BAZ1A: variants seen among roughly 807,000 people sequenced by gnomAD.
BAZ1A encodes the protein bromodomain adjacent to zinc finger domain protein 1A.
A neutral mutation model predicts 185.2 loss-of-function variants in BAZ1A; 50 were observed. The observed-to-expected ratio is 0.27, with a 90% CI of 0.22 to 0.34. The LOEUF is 0.34. BAZ1A is among the 10% of genes least tolerant of loss of function. The probability of loss-of-function intolerance (pLI) is 1.00; values close to 1 mark genes in which losing one functional copy is unlikely to be tolerated. For missense variants in BAZ1A, 1,356 were observed against 1,839.9 expected (o/e 0.74, Z 4.81); for synonymous variants, 571 against 615.6 (o/e 0.93, Z 1.07).
intron 13 of BAZ1A, 26 bp downstream of exon 13, chr14:34,786,099 CA>C (rs536883146): frequency 2.8e-4 from 372 of 1,333,976 alleles, no homozygotes; most frequent in Admixed American, 9.8e-4. Flanking sequence ...AAAAGCCAAA[CA>C]AAAAAAAAAC....
At chr14:34,818,884 G>C (rs1342572982) in intron 4 of BAZ1A, among the ~76,000 whole-genome samples, 1 of 152,166 alleles carries the variant, frequency 6.6e-6, no homozygotes, top group Non-Finnish European at 1.5e-5. Context: ...GCTCAAGCCT[G>C]TAATACCAGC....
rs148536471 is a variant in BAZ1A, at chr14:34,825,541, G to A, written c.536+472C>T. Among the ~76,000 whole-genome samples, 93 of 150,102 alleles carry A rather than the reference G, an allele frequency of 6.2e-4. No individual in the cohort carries two copies. In the South Asian group the frequency reaches 7.8e-3, roughly 13 times the overall value. On this transcript the variant is annotated intron_variant, in intron 4 of 26. Coordinates refer to ENST00000360310, the MANE Select transcript of BAZ1A (RefSeq NM_013448.3). ...TCAACAGCTGAGTAGCGTGAACTAGGAAAATTTCAATTTTGAAAATTCTAA... is the reference window on the plus strand; with the variant it reads ...TCAACAGCTGAGTAGCGTGAACTAGAAAAATTTCAATTTTGAAAATTCTAA...
intron 3 of BAZ1A, among the ~76,000 whole-genome samples, chr14:34,852,148 A>G (rs1425218538): frequency 1.3e-5 from 2 of 151,996 alleles, no homozygotes; most frequent in African/African-American, 4.8e-5. Flanking sequence ...AAAAGACCAC[A>G]TAAAAATGTG....
Position 34,825,893 on chromosome 14 carries a change from G to C in BAZ1A, c.536+120C>G, listed in dbSNP as rs187146532. 3 of 975,712 alleles carry C rather than the reference G, an allele frequency of 3.1e-6. No homozygotes were observed. The African/African-American group carries it at 5.1e-5, about 17-fold the overall frequency. The allele number at this position is 975,712 out of a possible 1,614,324, so 60.4% of individuals were successfully genotyped here. On this transcript the variant is annotated intron_variant, in intron 4 of 26. Transcript: ENST00000360310. The stretch of plus-strand genomic sequence containing the variant: ...GTGGAAGTTGCAGTGAGCTGAGATC[G>C]AGCCACTGTACTCCAGCCTGGGCAA...
chr14:34,812,228 G>A (rs771260582), intron 4 of BAZ1A, among the ~76,000 whole-genome samples: 1 of 151,690 alleles, frequency 6.6e-6, no homozygotes, highest in African/African-American at 2.4e-5. Flanking sequence ...AGAGATCTGG[G>A]GGGGGAGGGG....
chr14:34,786,362 A>G (rs573418447), intron 12 of BAZ1A, 141 bp from the exon 13 acceptor site: 215 of 674,470 alleles, frequency 3.2e-4, no homozygotes, highest in Non-Finnish European at 4.4e-4. Context: ...TACAAGCAAT[A>G]TTCACATTCT....
At chr14:34,790,662 T>C (rs1300156316) in intron 12 of BAZ1A, among the ~76,000 whole-genome samples, 2 of 152,156 alleles carry the variant, frequency 1.3e-5, no homozygotes, top group Non-Finnish European at 2.9e-5. Flanking sequence ...CCTTGTTTTA[T>C]TTTTTGTAGA....
chr14:34,795,647 A>T (rs756057777), intron 10 of BAZ1A, 23 bp downstream of exon 10: 1 of 1,536,070 alleles, frequency 6.5e-7, no homozygotes, highest in Non-Finnish European at 8.9e-7. Context: ...ATGTGTGCTA[A>T]ACATCACATA....
At chr14:34,842,636 C>T (rs1181080828) in intron 3 of BAZ1A, among the ~76,000 whole-genome samples, 5 of 152,140 alleles carry the variant, frequency 3.3e-5, no homozygotes, top group East Asian at 1.9e-4. Context: ...GTAAATCGTA[C>T]GTGTTCAATA....
At chr14:34,867,183 C>G (rs1021996214) in intron 2 of BAZ1A, among the ~76,000 whole-genome samples, 3 of 151,914 alleles carry the variant, frequency 2.0e-5, no homozygotes. Context: ...CACCTGAACC[C>G]GGAAGGTGGA....
At chr14:34,801,070 T>C (rs1881510727) in intron 8 of BAZ1A, 24 bp downstream of exon 8, 1 of 1,510,308 alleles carries the variant, frequency 6.6e-7, no homozygotes, top group South Asian at 1.2e-5. Flanking sequence ...CTAATTAGCT[T>C]TTGGAAACAA....
intron 24 of BAZ1A, among the ~76,000 whole-genome samples, chr14:34,759,184 T>TTTTTTGTTG (rs1555336963): frequency 2.8e-5 from 3 of 108,108 alleles, no homozygotes; most frequent in African/African-American, 1.2e-4. Flanking sequence ...TTTTTTTTTT[T>TTTTTTGTTG]TTTTTTTTTT....
intron 11 of BAZ1A, among the ~76,000 whole-genome samples, chr14:34,794,009 G>A (rs975244623): frequency 6.6e-6 from 1 of 151,984 alleles, no homozygotes; most frequent in Admixed American, 6.6e-5. Flanking sequence ...GCGGGTGCCT[G>A]TAGTCCCAGC....
chr14:34,851,227 G>A (rs1342753850), intron 3 of BAZ1A, among the ~76,000 whole-genome samples: 1 of 150,200 alleles, frequency 6.7e-6, no homozygotes, highest in Non-Finnish European at 1.5e-5. Context: ...CAGCTACTTA[G>A]GAGGCTGAGG....
intron 5 of BAZ1A, among the ~76,000 whole-genome samples, chr14:34,810,106 T>C (rs1325608726): frequency 6.6e-6 from 1 of 152,162 alleles, no homozygotes; most frequent in Non-Finnish European, 1.5e-5. Flanking sequence ...TTATTATCAC[T>C]TTCGTTTGGA....
intron 4 of BAZ1A, among the ~76,000 whole-genome samples, chr14:34,825,805 G>A (rs1222608977): frequency 6.6e-6 from 1 of 152,136 alleles, no homozygotes; most frequent in Non-Finnish European, 1.5e-5. Context: ...GGGCATGGAG[G>A]CAGGTGCCTG....
chr14:34,834,326 G>T (rs1286139451), intron 3 of BAZ1A, among the ~76,000 whole-genome samples: 1 of 152,162 alleles, frequency 6.6e-6, no homozygotes, highest in East Asian at 1.9e-4. Flanking sequence ...GGTAACAGTG[G>T]TGGTGGTCAT....
Position 34,874,360 on chromosome 14 carries a change from G to C in BAZ1A, c.113+132C>G. On this transcript the variant is annotated intron_variant, in intron 2 of 26. Coordinates refer to ENST00000360310, the MANE Select transcript of BAZ1A (RefSeq NM_013448.3). This position sits in a 1 kb window ranked among gnomAD's most constrained non-coding sequence, Gnocchi z 4.7. ...GGAGGCCAGGAGGCAGAGAACCGCGGGCCCGGGGGCCACCCGTCACTTTCA... is the reference window on the plus strand; with the variant it reads ...GGAGGCCAGGAGGCAGAGAACCGCGCGCCCGGGGGCCACCCGTCACTTTCA... The C allele has an allele frequency of 1.2e-6, 1 of 866,076 alleles. No individual in the cohort carries two copies. The highest frequency in any genetic ancestry group is 2.9e-5 in the East Asian group (1 of 34,918). 53.6% of individuals were successfully genotyped at this position (866,076 alleles called of 1,614,324 possible). A position where few individuals can be genotyped will look rare whatever the true frequency, so the allele number is the denominator to read the frequency against.
At chr14:34,853,355 C>A (rs74355573) in intron 3 of BAZ1A, among the ~76,000 whole-genome samples, 17,850 of 152,142 alleles carry the variant, frequency 0.12, 1,463 homozygotes, top group Non-Finnish European at 0.17. Flanking sequence ...AAGTAGTCAG[C>A]TATTCTCTTT....
Sources: gnomAD v4.1 joint callset for allele counts (sites outside exome capture counted in the v4.1 genomes callset) on GRCh38, gnomAD v4.1.1 for gene constraint, Gnocchi (gnomAD v3.1) non-coding constraint, MANE v1.5 for transcripts, NCBI Gene and HGNC (gene_info 2026-07-23, HGNC 2026-07-21) for gene names.